The following FOXP1 variants were observed in gnomAD, a reference collection of about 807,000 sequenced individuals.
FOXP1 encodes forkhead box P1.
FOXP1 carries 15 observed loss-of-function variants against 98.2 expected under a neutral mutation model. The observed-to-expected ratio is 0.15, with a 90% CI of 0.10 to 0.24. FOXP1 has a LOEUF of 0.24. Among genes scored for constraint, FOXP1 ranks in the 10% least tolerant of loss-of-function variants. The pLI is 1.00. For missense variants in FOXP1, 633 were observed against 848.5 expected, an observed-to-expected ratio of 0.75 and a Z score of 3.15; for synonymous variants, 371 against 314.5, an observed-to-expected ratio of 1.18 and a Z score of -1.90.
intron 3 of FOXP1, among the ~76,000 whole-genome samples, chr3:71,442,113 T>C (rs1239423210): frequency 6.6e-6 from 1 of 152,190 alleles, no homozygotes; most frequent in East Asian, 1.9e-4. Flanking sequence ...CTCATATTCA[T>C]GCCTCAAAGC....
chr3:71,245,603 G>T (rs2067678365), intron 5 of FOXP1, among the ~76,000 whole-genome samples: 1 of 107,750 alleles, frequency 9.3e-6, no homozygotes, highest in South Asian at 3.1e-4. Context: ...AAAATTACTT[G>T]GTCATTTAGA....
chr3:71,126,328 CAAAAAA>C (rs528792162), intron 6 of FOXP1, among the ~76,000 whole-genome samples: 1 of 143,778 alleles, frequency 7.0e-6, no homozygotes, highest in Non-Finnish European at 1.5e-5. Context: ...ATTAAAAATA[CAAAAAA>C]AAAAATTAGC....
intron 6 of FOXP1, among the ~76,000 whole-genome samples, chr3:71,194,972 C>G (rs2108360454): frequency 6.6e-6 from 1 of 152,272 alleles, no homozygotes; most frequent in South Asian, 2.1e-4. Context: ...CCTTCCAGCC[C>G]AGAATCGCCA....
At chr3:71,265,191 T>C (rs1255891131) in intron 5 of FOXP1, among the ~76,000 whole-genome samples, 2 of 152,216 alleles carry the variant, frequency 1.3e-5, no homozygotes, top group East Asian at 3.9e-4. Context: ...TTCTGGACTG[T>C]TCAACAACCT....
chr3:71,556,447 G>A (rs1460762652), intron 2 of FOXP1, among the ~76,000 whole-genome samples: 2 of 151,944 alleles, frequency 1.3e-5, no homozygotes, highest in Admixed American at 6.6e-5. Flanking sequence ...CGTGGTGGCA[G>A]GTGCCTGTAG....
At chr3:71,044,577 T>A (rs2048777644) in intron 10 of FOXP1, among the ~76,000 whole-genome samples, 1 of 152,228 alleles carries the variant, frequency 6.6e-6, no homozygotes, top group Admixed American at 6.5e-5. Flanking sequence ...TACTTGACAT[T>A]TACATGTTTA....
intron 1 of FOXP1, chr3:71,582,579 T>G (rs2107906730): frequency 2.0e-6 from 2 of 985,370 alleles, no homozygotes; most frequent in South Asian, 9.4e-5. Context: ...AAATCGGAGC[T>G]TGGGAAATCT....
At chr3:71,452,957 C>A (rs1364237608) in intron 3 of FOXP1, among the ~76,000 whole-genome samples, 1 of 152,102 alleles carries the variant, frequency 6.6e-6, no homozygotes, top group African/African-American at 2.4e-5. Context: ...AAAGTCCTGA[C>A]AACAACTGGC....
chr3:70,967,794 C>T (rs1434927569), intron 19 of FOXP1, among the ~76,000 whole-genome samples: 1 of 138,014 alleles, frequency 7.2e-6, no homozygotes, highest in Non-Finnish European at 1.5e-5. Context: ...ACTGTTGTCT[C>T]AGTCACAGAA....
At chr3:71,288,110 G>A (rs947974570) in intron 5 of FOXP1, among the ~76,000 whole-genome samples, 15 of 152,098 alleles carry the variant, frequency 9.9e-5, no homozygotes, top group Admixed American at 7.9e-4. Flanking sequence ...GAACTCCTGA[G>A]CTCAGATGAT....
At chr3:71,101,692 A>C (rs1280657314) in intron 7 of FOXP1, among the ~76,000 whole-genome samples, 3 of 151,722 alleles carry the variant, frequency 2.0e-5, no homozygotes, top group Non-Finnish European at 4.4e-5. Flanking sequence ...AAAAAAAAAA[A>C]AAACACCACA....
chr3:71,409,272 A>G (rs1241550548), intron 3 of FOXP1, among the ~76,000 whole-genome samples: 1 of 152,182 alleles, frequency 6.6e-6, no homozygotes, highest in African/African-American at 2.4e-5. Context: ...TACCACCAAG[A>G]GAAACATTAT....
intron 2 of FOXP1, among the ~76,000 whole-genome samples, chr3:71,555,561 T>C (rs1395970846): frequency 1.3e-5 from 2 of 152,234 alleles, no homozygotes; most frequent in Non-Finnish European, 2.9e-5. Context: ...CTTTATATAA[T>C]TATCTCATTT....
At chr3:71,348,117 G>A (rs192073387) in intron 4 of FOXP1, among the ~76,000 whole-genome samples, 1 of 151,960 alleles carries the variant, frequency 6.6e-6, no homozygotes, top group Admixed American at 6.5e-5. Context: ...TGTGAATGTG[G>A]TCTCTCTCTC....
chr3:71,206,261 C>CT (rs2064025125), intron 5 of FOXP1, among the ~76,000 whole-genome samples: 1 of 152,212 alleles, frequency 6.6e-6, no homozygotes, highest in African/African-American at 2.4e-5. Context: ...TAAAAATACT[C>CT]TATTTCCTGT....
intron 13 of FOXP1, among the ~76,000 whole-genome samples, chr3:70,999,421 T>C (rs1196613447): frequency 6.6e-6 from 1 of 152,238 alleles, no homozygotes; most frequent in Non-Finnish European, 1.5e-5. Context: ...TGTGTCTTAA[T>C]CATAAAAGAA....
intron 7 of FOXP1, among the ~76,000 whole-genome samples, chr3:71,071,910 A>G (rs1178047491): frequency 1.3e-5 from 2 of 152,156 alleles, no homozygotes; most frequent in Admixed American, 6.5e-5. Context: ...CAACGACAAC[A>G]ACAACAGCTA....
intron 3 of FOXP1, among the ~76,000 whole-genome samples, chr3:71,446,611 CTG>C (rs1206419811): frequency 6.6e-6 from 1 of 152,172 alleles, no homozygotes; most frequent in Admixed American, 6.5e-5. Flanking sequence ...TATTAAAACA[CTG>C]TAATGTCTCA....
chr3:70,979,316 A>AAAAAAAAAAGAAAG (rs1553670621), intron 14 of FOXP1, among the ~76,000 whole-genome samples: 1 of 96,514 alleles, frequency 1.0e-5, no homozygotes, highest in Non-Finnish European at 2.0e-5. Context: ...AAAAAAAAAA[A>AAAAAAAAAAGAAAG]AAAAGAAAAA....
Sources: gnomAD v4.1 joint callset for allele counts (sites outside exome capture counted in the v4.1 genomes callset) on GRCh38, gnomAD v4.1.1 for gene constraint, MANE v1.5 for transcripts, NCBI Gene and HGNC (gene_info 2026-07-23, HGNC 2026-07-21) for gene names.